The following ZNRF3 variants were observed in gnomAD, a reference collection of about 807,000 sequenced individuals.
ZNRF3 encodes the protein zinc and ring finger 3, also known as E3 ubiquitin-protein ligase ZNRF3.
In ZNRF3, 23 loss-of-function variants were observed where a neutral mutation model predicts 72.5. That is an observed-to-expected ratio of 0.32 (90% confidence interval 0.23 to 0.45). The LOEUF is 0.45. Among genes scored for constraint, ZNRF3 ranks in the 20% least tolerant of loss-of-function variants. ZNRF3 has a pLI of 1.00. For synonymous variants in ZNRF3, 610 were observed against 545.3 expected (o/e 1.12, Z -1.65); for missense variants, 1,169 against 1,272.1 (o/e 0.92, Z 1.23).
intron 2 of ZNRF3, among the ~76,000 whole-genome samples, chr22:28,995,288 G>T (rs1359486478): frequency 6.6e-6 from 1 of 152,110 alleles, no homozygotes; most frequent in Non-Finnish European, 1.5e-5. Flanking sequence ...AAAAAAATTA[G>T]CCTGGTGTGG....
intron 1 of ZNRF3, among the ~76,000 whole-genome samples, chr22:28,937,209 ATATATATTTTT>A (rs1421694800): frequency 3.7e-4 from 1 of 2,696 alleles, no homozygotes; most frequent in African/African-American, 5.2e-4. Flanking sequence ...ATATATATAT[ATATATATTTTT>A]TTTTTTTTTT....
rs923533980 is a variant in ZNRF3 at position 29,051,068 on chromosome 22, G to A, written c.2767+120G>A. On this transcript the variant is annotated intron_variant, in intron 8 of 8. Coordinates refer to ENST00000544604, the MANE Select transcript of ZNRF3 (RefSeq NM_001206998.2). ...GTCCTTGGTTTTAAACACCATCTGAGGCTGAAGACTTCCAAGGGTTACTCC... is the reference window on the plus strand; with the variant it reads ...GTCCTTGGTTTTAAACACCATCTGAAGCTGAAGACTTCCAAGGGTTACTCC... The A allele has an allele frequency of 6.9e-6, 8 of 1,159,184 alleles. No individual in the cohort carries two copies. In the African/African-American group the frequency reaches 1.1e-4, roughly 16 times the overall value. 71.8% of individuals were successfully genotyped at this position (1,159,184 alleles called of 1,614,324 possible).
chr22:28,923,026 G>C (rs1168719168), intron 1 of ZNRF3, among the ~76,000 whole-genome samples: 2 of 152,140 alleles, frequency 1.3e-5, no homozygotes, highest in African/African-American at 4.8e-5. Flanking sequence ...TAGCCCCAGG[G>C]ATGTGCTGTG....
intron 1 of ZNRF3, among the ~76,000 whole-genome samples, chr22:28,971,416 T>C (rs561292554): frequency 1.3e-5 from 2 of 152,276 alleles, no homozygotes; most frequent in African/African-American, 2.4e-5. Context: ...CTGATTCAGG[T>C]ATGGCTAAGA....
At position 29,054,807 on chromosome 22, in the gene ZNRF3, G is replaced by A. The variant is rs1236813861; in HGVS notation, c.*1185G>A. The A allele has an allele frequency of 6.5e-6, 1 of 152,730 alleles. No individual in the cohort carries two copies. Among genetic ancestry groups the A allele is most frequent in the Admixed American group, 6.5e-5 (1 of 15,272 alleles). 9.5% of individuals were successfully genotyped at this position (152,730 alleles called of 1,614,324 possible). On this transcript the variant is annotated 3_prime_UTR_variant, in exon 9 of 9. Transcript: ENST00000544604. ...TGGGGGCATGTGACTGGACCTACGA[G>A]GTCTGCACTGAGCTCCATTTGAATG...
Position 29,050,617 on chromosome 22 carries a change from G to A in ZNRF3, c.2436G>A (p.Glu812=). Residue 812 remains glutamate, a synonymous_variant, in exon 8 of 9, where the codon GAG becomes GAA. Transcript: ENST00000544604. ...YSVSVQYTLT[E]EPPPGCYPGA... is the part of the protein sequence containing the mutation. Reference sequence around the variant, plus strand: ...TGAGTGTGCAGTACACGCTCACCGAGGAACCACCGCCCGGCTGCTACCCCG... The same window carrying A: ...TGAGTGTGCAGTACACGCTCACCGAAGAACCACCGCCCGGCTGCTACCCCG... 1 of 1,610,750 alleles carries A rather than the reference G, an allele frequency of 6.2e-7. No homozygotes were observed. The highest frequency in any genetic ancestry group is 8.5e-7 in the Non-Finnish European group (1 of 1,178,942).
At chr22:28,980,174 TA>T (rs2035741061) in intron 1 of ZNRF3, among the ~76,000 whole-genome samples, 1 of 149,410 alleles carries the variant, frequency 6.7e-6, no homozygotes, top group Non-Finnish European at 1.5e-5. Context: ...GGAAAACAGA[TA>T]GGGGCATAGA....
In ZNRF3 at chr22:29,043,444, C is replaced by T. The variant is rs1229844160; in HGVS notation, c.633+14C>T. 1 of 1,612,600 alleles carries T rather than the reference C, an allele frequency of 6.2e-7. No individual in the cohort carries two copies. Among genetic ancestry groups the T allele is most frequent in the East Asian group, 2.2e-5 (1 of 44,854 alleles). On this transcript the variant is annotated intron_variant, in intron 4 of 8. Transcript: ENST00000544604. The stretch of plus-strand genomic sequence containing the variant: ...CGCCCTCCTCGAGTGAGCCTCCGCA[C>T]CATTTGGCACAGGCTCGGGGCCTTC...
At chr22:28,911,742 C>T (rs1173068266) in intron 1 of ZNRF3, among the ~76,000 whole-genome samples, 11 of 152,034 alleles carry the variant, frequency 7.2e-5, no homozygotes, top group Non-Finnish European at 1.6e-4. Context: ...AGCAATTCCT[C>T]AGTTGCCTTT....
chr22:28,970,198 A>G (rs1427892360), intron 1 of ZNRF3, among the ~76,000 whole-genome samples: 1 of 152,260 alleles, frequency 6.6e-6, no homozygotes, highest in East Asian at 1.9e-4. Context: ...CCCAATTAAA[A>G]GCAGGTAAAA....
rs546289774 is a variant in ZNRF3 at position 28,912,625 on chromosome 22, G to A, written c.300+28559G>A. On this transcript the variant is annotated intron_variant, in intron 1 of 8. Transcript: ENST00000544604. ...GTTCTTTTGGAGATCCACAAAGACC[G>A]TCCATCTAGGCTCAGGGACACGGTT... Among the ~76,000 whole-genome samples, 35 of 150,768 alleles carry A rather than the reference G, an allele frequency of 2.3e-4. No individual in the cohort carries two copies. The South Asian group carries it at 6.3e-3, about 27-fold the overall frequency.
At chr22:28,892,304 A>AC (rs914298738) in intron 1 of ZNRF3, among the ~76,000 whole-genome samples, 10 of 152,242 alleles carry the variant, frequency 6.6e-5, no homozygotes, top group African/African-American at 2.4e-4. Context: ...CAGCACACGA[A>AC]CGGTTACCTT....
intron 2 of ZNRF3, among the ~76,000 whole-genome samples, chr22:29,027,621 G>T (rs1235160848): frequency 6.6e-6 from 1 of 152,166 alleles, no homozygotes; most frequent in East Asian, 1.9e-4. Context: ...ACCACCCTCT[G>T]CCAGACTCAT....
intron 1 of ZNRF3, among the ~76,000 whole-genome samples, chr22:28,902,325 G>A (rs916253990): frequency 1.3e-5 from 2 of 152,026 alleles, no homozygotes; most frequent in Admixed American, 1.3e-4. Context: ...AGAGGAGTTG[G>A]GAGGACAGAG....
chr22:28,986,539 T>C, intron 1 of ZNRF3: 1 of 866,660 alleles, frequency 1.2e-6, no homozygotes, highest in Non-Finnish European at 1.4e-6. Context: ...TTTTATCTGT[T>C]TCCCAGTAAC....
chr22:29,032,362 A>C (rs2123872628), intron 2 of ZNRF3, among the ~76,000 whole-genome samples: 1 of 152,320 alleles, frequency 6.6e-6, no homozygotes, highest in African/African-American at 2.4e-5. Flanking sequence ...TGATATCCAG[A>C]GATGAGCACA....
intron 2 of ZNRF3, among the ~76,000 whole-genome samples, chr22:28,990,144 C>T (rs990737070): frequency 3.9e-5 from 6 of 152,214 alleles, no homozygotes; most frequent in Admixed American, 6.5e-5. Flanking sequence ...CAGCCTCAGA[C>T]CAGGCATGGG....
intron 1 of ZNRF3, among the ~76,000 whole-genome samples, chr22:28,963,551 C>T (rs1342366018): frequency 2.6e-5 from 4 of 152,166 alleles, no homozygotes; most frequent in Admixed American, 6.5e-5. Context: ...TGACCTTGGG[C>T]AAGTGGCATA....
rs576731884 is a variant in ZNRF3, at chr22:28,935,654, G to A, written c.301-51422G>A. On this transcript the variant is annotated intron_variant, in intron 1 of 8. Coordinates refer to ENST00000544604, the MANE Select transcript of ZNRF3 (RefSeq NM_001206998.2). ...CTGGCCAGCCACCTTGGATCAGCCT[G>A]CTGCCTTCTCCCATCTCCTCTTAGA... Among the ~76,000 whole-genome samples, 12 of 152,324 alleles carry A rather than the reference G, an allele frequency of 7.9e-5. 1 individual carries two copies. The South Asian group carries it at 2.5e-3, about 32-fold the overall frequency.
Sources: allele counts gnomAD v4.1 joint callset (sites outside exome capture counted in the v4.1 genomes callset), GRCh38; gene constraint gnomAD v4.1.1; transcripts MANE v1.5; gene names NCBI Gene and HGNC (gene_info 2026-07-23, HGNC 2026-07-21).